Variants in ANO4 observed in about 807,000 individuals in gnomAD.
ANO4 encodes the protein anoctamin-4.
In ANO4, 69 loss-of-function variants were observed where a neutral mutation model predicts 141.9. The ratio of observed to expected loss-of-function variants is 0.49; its 90% CI spans 0.40 to 0.59. The LOEUF (loss-of-function observed/expected upper bound fraction) is 0.59. ANO4 is among the 20% of genes least tolerant of loss of function. The pLI is 0.00. For missense variants in ANO4, 894 were observed against 1,162.2 expected (o/e 0.77, Z 3.36); for synonymous variants, 350 against 394.3 (o/e 0.89, Z 1.33).
rs1028773449 is a variant in ANO4, at chr12:100,935,743, C to T, written c.161-3572C>T. 2.2e-4 allele frequency among the ~76,000 whole-genome samples: 33 copies of T among 152,166 alleles called. 1 individual carries two copies. Among genetic ancestry groups the T allele is most frequent in the African/African-American group, 6.7e-4 (28 of 41,522 alleles). ...TTCCTAGCTCAGCTCAGTGTCTGCCCGTGGTAGGCACTGAATATACTTATT... is the reference window on the plus strand; with the variant it reads ...TTCCTAGCTCAGCTCAGTGTCTGCCTGTGGTAGGCACTGAATATACTTATT... On this transcript the variant is annotated intron_variant, in intron 3 of 27. Coordinates refer to ENST00000392977, the MANE Select transcript of ANO4 (RefSeq NM_001286615.2).
chr12:100,878,691 C>T (rs1229934934), intron 1 of ANO4, among the ~76,000 whole-genome samples: 1 of 152,148 alleles, frequency 6.6e-6, no homozygotes, highest in Non-Finnish European at 1.5e-5. Context: ...GAATAATCTC[C>T]CTAAGGCGTG....
chr12:100,798,220 G>A (rs1250272155), intron 1 of ANO4, among the ~76,000 whole-genome samples: 1 of 152,178 alleles, frequency 6.6e-6, no homozygotes, highest in African/African-American at 2.4e-5. Context: ...TTTGGTAACT[G>A]AATGAACCAT....
chr12:101,041,678 T>A (rs2047416701), intron 11 of ANO4, among the ~76,000 whole-genome samples: 1 of 152,202 alleles, frequency 6.6e-6, no homozygotes. Context: ...CCCTGCATAC[T>A]TGAAACATCG....
Position 100,987,665 on chromosome 12 carries a change from C to A in ANO4, c.729C>A (p.Ile243=). The A allele has an allele frequency of 6.2e-7, 1 of 1,613,828 alleles. No individual in the cohort carries two copies. Among genetic ancestry groups the A allele is most frequent in the East Asian group, 2.2e-5 (1 of 44,868 alleles). ...CTGCCCCTTTCAGCCAGCAAAGGAT[C>A]CATCAGTGAGTGTTCCATGTTAAAG... ...CYTAPFSQQR[I]HHFIIHNKET... Residue 243 remains isoleucine, a synonymous_variant, in exon 8 of 28, where the codon ATC becomes ATA. Transcript: ENST00000392977.
chr12:101,058,379 T>C (rs1379912555), intron 14 of ANO4, among the ~76,000 whole-genome samples: 3 of 152,172 alleles, frequency 2.0e-5, no homozygotes, highest in African/African-American at 7.2e-5. Context: ...TTTAAAGTAG[T>C]GTTTTCTAAT....
chr12:100,987,480 G>A, intron 7 of ANO4, 59 bp from the exon 8 acceptor site: 1 of 1,586,188 alleles, frequency 6.3e-7, no homozygotes, highest in Admixed American at 1.7e-5. Context: ...CCTTCCTCCT[G>A]TGTTTCAGGG....
chr12:101,007,913 T>C (rs2045937584), intron 8 of ANO4, among the ~76,000 whole-genome samples: 1 of 152,038 alleles, frequency 6.6e-6, no homozygotes, highest in Admixed American at 6.6e-5. Context: ...TATTGCGAGC[T>C]GCCCACATGT....
intron 3 of ANO4, among the ~76,000 whole-genome samples, chr12:100,757,828 T>C (rs17030545): frequency 0.056 from 8,539 of 152,264 alleles, 716 homozygotes; most frequent in African/African-American, 0.18. Flanking sequence ...TTCTTTTGGA[T>C]TCCTTTGCTT....
intron 9 of ANO4, among the ~76,000 whole-genome samples, chr12:101,028,317 G>A (rs112794202): frequency 1.2e-4 from 18 of 152,244 alleles, no homozygotes; most frequent in African/African-American, 4.3e-4. Flanking sequence ...GCATAATTGG[G>A]TGAAGGATGA....
rs1449358339 is a variant in ANO4, at chr12:101,115,892, C to A, written c.2451-787C>A. 3.9e-5 allele frequency among the ~76,000 whole-genome samples: 6 copies of A among 152,140 alleles called. No homozygotes were observed. The East Asian group carries it at 1.2e-3, about 29-fold the overall frequency. The stretch of plus-strand genomic sequence containing the variant: ...GGATTCCTACACTGCACAAGACTGT[C>A]CTAAGTCATAGGATACACAAATACC... On this transcript the variant is annotated intron_variant, in intron 24 of 27. Coordinates refer to ENST00000392977, the MANE Select transcript of ANO4 (RefSeq NM_001286615.2).
chr12:100,976,230 G>C (rs1359348391), intron 7 of ANO4, among the ~76,000 whole-genome samples: 4 of 152,166 alleles, frequency 2.6e-5, no homozygotes, highest in Non-Finnish European at 5.9e-5. Flanking sequence ...TAGAATTCAG[G>C]TTCCCTCTGT....
At chr12:100,842,928 G>A (rs990919659) in intron 1 of ANO4, among the ~76,000 whole-genome samples, 1 of 152,128 alleles carries the variant, frequency 6.6e-6, no homozygotes, top group Admixed American at 6.5e-5. Context: ...TCAAACCATG[G>A]TATATTCTAA....
intron 1 of ANO4, among the ~76,000 whole-genome samples, chr12:100,809,816 G>A (rs1387596616): frequency 6.6e-6 from 1 of 152,110 alleles, no homozygotes; most frequent in African/African-American, 2.4e-5. Context: ...GAAGGGTATG[G>A]GTATAAAATC....
At chr12:101,060,409 A>C (rs1189045197) in intron 14 of ANO4, among the ~76,000 whole-genome samples, 1 of 152,174 alleles carries the variant, frequency 6.6e-6, no homozygotes, top group Non-Finnish European at 1.5e-5. Flanking sequence ...CTTGGTCCAG[A>C]GCAGAGTTCA....
Position 101,042,328 on chromosome 12 carries a change from T to A in ANO4, c.1020-6T>A. On this transcript the variant is annotated splice_polypyrimidine_tract_variant and splice_region_variant and intron_variant, in intron 11 of 27. Transcript: ENST00000392977. ...GTAATTTGCAAGGCCGTTGTGTCTTTAACAGGCGGTACTTTGGAGAGAAGA... is the reference window on the plus strand; with the variant it reads ...GTAATTTGCAAGGCCGTTGTGTCTTAAACAGGCGGTACTTTGGAGAGAAGA... 6.2e-7 allele frequency: 1 copy of A among 1,614,086 alleles called. No individual in the cohort carries two copies.
intron 1 of ANO4, among the ~76,000 whole-genome samples, chr12:100,826,094 G>A (rs1177263134): frequency 1.3e-5 from 2 of 151,910 alleles, no homozygotes; most frequent in East Asian, 1.9e-4. Flanking sequence ...ACTTTTCTCC[G>A]CTCTTTTGTG....
chr12:100,763,277 G>C (rs7314531), intron 3 of ANO4, among the ~76,000 whole-genome samples: 126,040 of 152,140 alleles, frequency 0.83, 52,358 homozygotes, highest in African/African-American at 0.86. Context: ...ACCCACAGGC[G>C]TGGCAGCACT....
In ANO4 at chr12:100,831,805, A is replaced by G. The variant is rs530248852; in HGVS notation, c.-141+36778A>G. Reference sequence around the variant, plus strand: ...TTAGCTGTGACCCTTTGAACAAGCCATTTCACTTTTCTGGGCTGTGACTTC... The same window carrying G: ...TTAGCTGTGACCCTTTGAACAAGCCGTTTCACTTTTCTGGGCTGTGACTTC... On this transcript the variant is annotated intron_variant, in intron 1 of 27. Coordinates refer to ENST00000392977, the MANE Select transcript of ANO4 (RefSeq NM_001286615.2). Among the ~76,000 whole-genome samples, 21 of 152,166 alleles carry G rather than the reference A, an allele frequency of 1.4e-4. No homozygotes were observed. In the East Asian group the frequency reaches 3.3e-3, roughly 24 times the overall value.
intron 3 of ANO4, among the ~76,000 whole-genome samples, chr12:100,933,990 G>C (rs1242925775): frequency 6.6e-6 from 1 of 152,114 alleles, no homozygotes; most frequent in Non-Finnish European, 1.5e-5. Context: ...CTAGATTCTG[G>C]TTATTAGCCC....
Sources: allele counts gnomAD v4.1 joint callset (sites outside exome capture counted in the v4.1 genomes callset), GRCh38; gene constraint gnomAD v4.1.1; transcripts MANE v1.5; gene names NCBI Gene and HGNC (gene_info 2026-07-23, HGNC 2026-07-21).